TBC1D19: variants seen among roughly 807,000 people sequenced by gnomAD.
The protein encoded by TBC1D19 is TBC1 domain family, member 19.
Under a neutral mutation model 89.0 loss-of-function variants are expected in TBC1D19, and 60 were observed. The observed-to-expected ratio is 0.67, with a 90% CI of 0.55 to 0.84. The LOEUF (loss-of-function observed/expected upper bound fraction) is 0.84. Among genes scored for constraint, TBC1D19 ranks in the 40% least tolerant of loss-of-function variants. The probability of loss-of-function intolerance (pLI) is 0.00; values close to 1 mark genes in which losing one functional copy is unlikely to be tolerated. For synonymous variants in TBC1D19, 189 were observed against 199.7 expected (o/e 0.95, Z 0.45); for missense variants, 500 against 610.8 (o/e 0.82, Z 1.91).
chr4:26,654,126 C>T (rs1238912624), intron 7 of TBC1D19, among the ~76,000 whole-genome samples: 5 of 152,168 alleles, frequency 3.3e-5, no homozygotes, highest in Non-Finnish European at 7.3e-5. Flanking sequence ...TTCTCCTTCA[C>T]TTACAAAGCT....
intron 13 of TBC1D19, among the ~76,000 whole-genome samples, chr4:26,693,701 A>C (rs1714498337): frequency 6.6e-6 from 1 of 152,130 alleles, no homozygotes; most frequent in South Asian, 2.1e-4. Flanking sequence ...CTAAAAAAAA[A>C]AAAAAGGTAA....
upstream of TBC1D19, among the ~76,000 whole-genome samples, chr4:26,580,583 A>G (rs961649217): frequency 2.0e-5 from 3 of 152,240 alleles, no homozygotes; most frequent in Admixed American, 2.0e-4. Flanking sequence ...GGCCTGTGAC[A>G]TGTGTGATAC....
chr4:26,756,047 T>A lies in TBC1D19; in HGVS notation c.*1100T>A, dbSNP rs1157753898. ...TTCACTAAAACTGTAAATCAGTAGA[T>A]TGATACGCTTATTGATTGCCTAGAA... is the stretch of plus-strand genomic sequence containing the variant. On this transcript the variant is annotated 3_prime_UTR_variant, in exon 21 of 21. Coordinates refer to ENST00000264866, the MANE Select transcript of TBC1D19 (RefSeq NM_018317.4). Among the ~76,000 whole-genome samples the A allele has an allele frequency of 6.6e-6, 1 of 152,228 alleles. No individual in the cohort carries two copies. The highest frequency in any genetic ancestry group is 1.5e-5 in the Non-Finnish European group (1 of 68,036).
intron 1 of TBC1D19, among the ~76,000 whole-genome samples, chr4:26,609,505 C>T (rs1741229629): frequency 1.3e-5 from 2 of 152,118 alleles, no homozygotes; most frequent in Non-Finnish European, 1.5e-5. Flanking sequence ...AGAGCACTTC[C>T]ATCTGAGGAA....
At chr4:26,577,196 T>G (rs1030927287) in intron 1 of TBC1D19, among the ~76,000 whole-genome samples, 1 of 152,142 alleles carries the variant, frequency 6.6e-6, no homozygotes, top group African/African-American at 2.4e-5. Context: ...AACTGAACAT[T>G]CAGCTTGCTG....
At chr4:26,823,074 A>T in the TBC1D19 span, among the ~76,000 whole-genome samples, 86 of 152,362 alleles carry the variant, frequency 5.6e-4, no homozygotes, top group African/African-American at 1.8e-3. Context: ...AAGAGGTTTA[A>T]TGGACTTACA....
chr4:26,604,214 C>T (rs1275266646), intron 1 of TBC1D19, among the ~76,000 whole-genome samples: 3 of 136,652 alleles, frequency 2.2e-5, no homozygotes, highest in Non-Finnish European at 4.5e-5. Context: ...AGTGCAGTGG[C>T]GCGGTCTCGG....
intron 1 of TBC1D19, among the ~76,000 whole-genome samples, chr4:26,602,732 G>A (rs146502532): frequency 6.1e-4 from 92 of 150,760 alleles, no homozygotes; most frequent in Middle Eastern, 3.4e-3. Context: ...GAGCCACCAC[G>A]CCCAGCCAGC....
At position 26,676,418 on chromosome 4, in the gene TBC1D19, T is replaced by C. The variant is rs74520166; in HGVS notation, c.816+2530T>C. The stretch of plus-strand genomic sequence containing the variant: ...GGTCCTTTCCTCAACTACTTTTACT[T>C]AAATGGAAGAAATGTCAGGCTGGGC... On this transcript the variant is annotated intron_variant, in intron 11 of 20. Coordinates refer to ENST00000264866, the MANE Select transcript of TBC1D19 (RefSeq NM_018317.4). 5.7e-3 allele frequency among the ~76,000 whole-genome samples: 869 copies of C among 152,288 alleles called. 8 individuals are homozygous for C. The highest frequency in any genetic ancestry group is 0.02 in the African/African-American group (831 of 41,560).
intron 11 of TBC1D19, among the ~76,000 whole-genome samples, chr4:26,679,862 G>A (rs1449770094): frequency 6.6e-6 from 1 of 152,182 alleles, no homozygotes; most frequent in Non-Finnish European, 1.5e-5. Context: ...TAATTGTGAG[G>A]ACACGAGATT....
intron 19 of TBC1D19, 50 bp downstream of exon 19, chr4:26,748,576 C>T (rs1718777309): frequency 4.5e-6 from 6 of 1,326,192 alleles, no homozygotes; most frequent in Non-Finnish European, 6.4e-6. Flanking sequence ...TATAATAAGT[C>T]CCCTTTTCTT....
intron 8 of TBC1D19, among the ~76,000 whole-genome samples, chr4:26,660,856 T>C (rs1323038215): frequency 6.6e-6 from 1 of 152,240 alleles, no homozygotes; most frequent in Non-Finnish European, 1.5e-5. Flanking sequence ...CTTCTTTGTT[T>C]ACTTTCCTTT....
chr4:26,847,612 G>C, the TBC1D19 span, among the ~76,000 whole-genome samples: 2 of 152,168 alleles, frequency 1.3e-5, no homozygotes, highest in African/African-American at 4.8e-5. Context: ...GATCATGCAG[G>C]GGCCTGTTGA....
At chr4:26,690,508 TA>T (rs1299115236) in intron 13 of TBC1D19, among the ~76,000 whole-genome samples, 1 of 152,184 alleles carries the variant, frequency 6.6e-6, no homozygotes, top group Non-Finnish European at 1.5e-5. Context: ...ACTCTGTTGT[TA>T]GGGGCGAATG....
chr4:26,735,543 C>T, intron 16 of TBC1D19, 56 bp downstream of exon 16: 2 of 1,395,998 alleles, frequency 1.4e-6, no homozygotes, highest in Non-Finnish European at 1.9e-6. Context: ...TGTTATCTGT[C>T]AATTTAAAAA....
chr4:26,628,366 G>T (rs1229474178), intron 4 of TBC1D19, among the ~76,000 whole-genome samples: 2 of 152,092 alleles, frequency 1.3e-5, no homozygotes, highest in Non-Finnish European at 2.9e-5. Context: ...ACTTGGCGAT[G>T]CAGGCTCTTT....
At chr4:26,810,499 T>TGGGGAGAAGG in the TBC1D19 span, among the ~76,000 whole-genome samples, 1 of 152,166 alleles carries the variant, frequency 6.6e-6, no homozygotes, top group African/African-American at 2.4e-5. Context: ...GCTTGACCCT[T>TGGGGAGAAGG]CTCTGGTCCT....
chr4:26,606,091 C>T (rs1740981498), intron 1 of TBC1D19, among the ~76,000 whole-genome samples: 1 of 152,144 alleles, frequency 6.6e-6, no homozygotes, highest in South Asian at 2.1e-4. Flanking sequence ...TCCAGTGACC[C>T]TCTGGCTTCA....
chr4:26,587,915 C>T lies in TBC1D19; in HGVS notation c.99+3623C>T, dbSNP rs114461321. Among the ~76,000 whole-genome samples the T allele has an allele frequency of 7.7e-3, 1,176 of 151,830 alleles. 1 individual carries two copies. Among genetic ancestry groups the T allele is most frequent in the Non-Finnish European group, 0.012 (789 of 67,946 alleles). On this transcript the variant is annotated intron_variant, in intron 1 of 20. Transcript: ENST00000264866. Reference sequence around the variant, plus strand: ...AGTTGCCGCACTTAATTTATTTTAACGAATTTACTGGTATAAAATTGTTTA... The same window carrying T: ...AGTTGCCGCACTTAATTTATTTTAATGAATTTACTGGTATAAAATTGTTTA...
Sources: allele counts gnomAD v4.1 joint callset (sites outside exome capture counted in the v4.1 genomes callset), GRCh38; gene constraint gnomAD v4.1.1; transcripts MANE v1.5; gene names NCBI Gene and HGNC (gene_info 2026-07-23, HGNC 2026-07-21).